ELMOD2: variants seen among roughly 807,000 people sequenced by gnomAD.
ELMOD2 encodes ELMO domain containing 2.
In ELMOD2, 28 loss-of-function variants were observed where a neutral mutation model predicts 41.0. The observed-to-expected ratio is 0.68, with a 90% CI of 0.51 to 0.94. The LOEUF (loss-of-function observed/expected upper bound fraction) is 0.94, where lower values mean the gene tolerates loss of function less well. Among genes scored for constraint, ELMOD2 ranks in the 40% least tolerant of loss-of-function variants. The probability of loss-of-function intolerance (pLI) is 0.00; values close to 1 mark genes in which losing one functional copy is unlikely to be tolerated. For synonymous variants in ELMOD2, 106 were observed against 107.2 expected, an observed-to-expected ratio of 0.99 and a Z score of 0.07; for missense variants, 333 against 343.1, an observed-to-expected ratio of 0.97 and a Z score of 0.23.
chr4:140,542,963 G>C (rs1175032718), intron 7 of ELMOD2, among the ~76,000 whole-genome samples: 1 of 151,856 alleles, frequency 6.6e-6, no homozygotes, highest in African/African-American at 2.4e-5. Context: ...ATAGGAAATA[G>C]CTTTGAAAAT....
chr4:140,540,119 C>G (rs771775237), intron 5 of ELMOD2, 49 bp from the exon 6 acceptor site: 1 of 1,586,912 alleles, frequency 6.3e-7, no homozygotes, highest in Non-Finnish European at 8.6e-7. Flanking sequence ...TTACTAGTTA[C>G]AAGCTATGAG....
chr4:140,535,135 CTT>C (rs757585935), intron 3 of ELMOD2, among the ~76,000 whole-genome samples: 6,282 of 81,546 alleles, frequency 0.077, 192 homozygotes, highest in Middle Eastern at 0.14. Context: ...AAATCTGTTT[CTT>C]TCTCTCTCTC....
At chr4:140,548,584 T>C (rs1735366096) in intron 8 of ELMOD2, among the ~76,000 whole-genome samples, 1 of 152,134 alleles carries the variant, frequency 6.6e-6, no homozygotes, top group Non-Finnish European at 1.5e-5. Flanking sequence ...ATCATGATAG[T>C]CTAGCCACCC....
rs983276148 is a variant in ELMOD2 at position 140,552,055 on chromosome 4, T to A, written c.*1680T>A. ...ACTTAATTTTTAAAAAATATTTTCA[T>A]GCTTTATTGTCCAGCTATACAATAT... On this transcript the variant is annotated 3_prime_UTR_variant, in exon 9 of 9. Transcript: ENST00000323570. 2 of 152,090 alleles carry A rather than the reference T, an allele frequency of 1.3e-5. No individual in the cohort carries two copies. Among genetic ancestry groups the A allele is most frequent in the Non-Finnish European group, 1.5e-5 (1 of 67,926 alleles). The allele number at this position is 152,090 out of a possible 1,614,324, so 9.4% of individuals were successfully genotyped here. A position where few individuals can be genotyped will look rare whatever the true frequency, so the allele number is the denominator to read the frequency against.
chr4:140,544,466 T>C (rs1735206689), intron 8 of ELMOD2, among the ~76,000 whole-genome samples: 1 of 152,144 alleles, frequency 6.6e-6, no homozygotes, highest in African/African-American at 2.4e-5. Flanking sequence ...TATAATGGCC[T>C]TTAGCAGTTT....
intron 3 of ELMOD2, chr4:140,527,801 C>T: frequency 3.5e-6 from 1 of 286,198 alleles, no homozygotes; most frequent in South Asian, 7.1e-5. Flanking sequence ...ACTGTGTCCT[C>T]AGGATAGATT....
At chr4:140,532,115 A>G (rs1734766682) in intron 3 of ELMOD2, among the ~76,000 whole-genome samples, 1 of 152,080 alleles carries the variant, frequency 6.6e-6, no homozygotes, top group African/African-American at 2.4e-5. Flanking sequence ...ACAGAATGCT[A>G]GCAAATTGAT....
chr4:140,535,137 T>TCTCTC lies in ELMOD2; in HGVS notation c.172-596_172-595insCTCTC, dbSNP rs1560827004. 5.7e-3 allele frequency among the ~76,000 whole-genome samples: 807 copies of TCTCTC among 141,482 alleles called. 15 individuals carry two copies. Among genetic ancestry groups the TCTCTC allele is most frequent in the East Asian group, 0.016 (77 of 4,900 alleles). 92.8% of individuals were successfully genotyped at this position (141,482 alleles called of 152,430 possible). ...CTTTTCTCTGGGGAAATCTGTTTCT[T>TCTCTC]TCTCTCTCTCTCTCTCTCTCTCTCT... On this transcript the variant is annotated intron_variant, in intron 3 of 8. Coordinates refer to ENST00000323570, the MANE Select transcript of ELMOD2 (RefSeq NM_153702.4).
rs907998037 is a variant in ELMOD2 at position 140,553,085 on chromosome 4, T to C, written c.*2710T>C. The C allele has an allele frequency of 1.3e-5, 2 of 152,178 alleles. No individual in the cohort carries two copies. The highest frequency in any genetic ancestry group is 6.5e-5 in the Admixed American group (1 of 15,278). 9.4% of individuals were successfully genotyped at this position (152,178 alleles called of 1,614,324 possible). A position where few individuals can be genotyped will look rare whatever the true frequency, so the allele number is the denominator to read the frequency against. Reference sequence around the variant, plus strand: ...TATGTATTTTTTCTACGTGAAAATATATGTACTCTTCACTTTTGTTCCAGT... The same window carrying C: ...TATGTATTTTTTCTACGTGAAAATACATGTACTCTTCACTTTTGTTCCAGT... On this transcript the variant is annotated 3_prime_UTR_variant, in exon 9 of 9. Transcript: ENST00000323570.
chr4:140,550,290 A>G lies in ELMOD2; in HGVS notation c.797A>G (p.Tyr266Cys). 6.2e-7 allele frequency: 1 copy of G among 1,611,750 alleles called. No individual in the cohort carries two copies. The highest frequency in any genetic ancestry group is 8.5e-7 in the Non-Finnish European group (1 of 1,178,734). The change falls in exon 9 of 9, where the codon TAT becomes TGT. Residue 266 changes from tyrosine to cysteine, a missense_variant. By Grantham distance (194) the Tyr-to-Cys change is radical (BLOSUM62 -2). Coordinates refer to ENST00000323570, the MANE Select transcript of ELMOD2 (RefSeq NM_153702.4). ...WFEEEPESIM[Y>C]FNLYREKFHE... is the part of the protein sequence containing the mutation. Reference sequence around the variant, plus strand: ...GAAGAAGAACCAGAAAGCATTATGTATTTCAATTTGTATAGAGAGAAGTTT... The same window carrying G: ...GAAGAAGAACCAGAAAGCATTATGTGTTTCAATTTGTATAGAGAGAAGTTT...
In ELMOD2 at chr4:140,537,553, T is replaced by G. The variant is rs780794601; in HGVS notation, c.399+12T>G. 8 of 1,598,140 alleles carry G rather than the reference T, an allele frequency of 5.0e-6. No individual in the cohort carries two copies. The African/African-American group carries it at 1.1e-4, about 22-fold the overall frequency. Reference sequence around the variant, plus strand: ...AGCTACTCATGAAGGTAAATTTCTGTTTTCTTTATGTGGAGTTGTTGAACG... The same window carrying G: ...AGCTACTCATGAAGGTAAATTTCTGGTTTCTTTATGTGGAGTTGTTGAACG... On this transcript the variant is annotated intron_variant, in intron 5 of 8. Coordinates refer to ENST00000323570, the MANE Select transcript of ELMOD2 (RefSeq NM_153702.4).
In ELMOD2 at chr4:140,553,263, G is replaced by A. The variant is rs1735516415; in HGVS notation, c.*2888G>A. The A allele has an allele frequency of 6.6e-6, 1 of 152,138 alleles. No individual in the cohort carries two copies. The highest frequency in any genetic ancestry group is 1.5e-5 in the Non-Finnish European group (1 of 67,986). The allele number at this position is 152,138 out of a possible 1,614,324, so 9.4% of individuals were successfully genotyped here. A position where few individuals can be genotyped will look rare whatever the true frequency, so the allele number is the denominator to read the frequency against. On this transcript the variant is annotated 3_prime_UTR_variant, in exon 9 of 9. Coordinates refer to ENST00000323570, the MANE Select transcript of ELMOD2 (RefSeq NM_153702.4). The stretch of plus-strand genomic sequence containing the variant: ...AAAGGTTACACATGATCATGGCACA[G>A]AAGATAGGAGGTTTGACTTGGTGGG...
At position 140,550,342 on chromosome 4, in the gene ELMOD2, G is replaced by T. The variant is rs772180456; in HGVS notation, c.849G>T (p.Leu283=). 6.2e-6 allele frequency: 10 copies of T among 1,609,712 alleles called. No homozygotes were observed. Among genetic ancestry groups the T allele is most frequent in the Non-Finnish European group, 8.5e-6 (10 of 1,177,932 alleles). ...KFHEKIKGLL[L]DCNVALTLKV Reference sequence around the variant, plus strand: ...ATGAAAAGATTAAAGGACTTTTACTGGATTGTAATGTAGCACTTACTTTAA... The same window carrying T: ...ATGAAAAGATTAAAGGACTTTTACTTGATTGTAATGTAGCACTTACTTTAA... The change falls in exon 9 of 9, where the codon CTG becomes CTT. Residue 283 remains leucine (L), a synonymous_variant. Transcript: ENST00000323570.
At chr4:140,538,323 G>A (rs963897970) in intron 5 of ELMOD2, among the ~76,000 whole-genome samples, 1 of 152,136 alleles carries the variant, frequency 6.6e-6, no homozygotes, top group Admixed American at 6.5e-5. Context: ...AAAGAAAATA[G>A]CGCATTGCAG....
chr4:140,532,780 A>C (rs1328686723), intron 3 of ELMOD2, among the ~76,000 whole-genome samples: 4 of 152,200 alleles, frequency 2.6e-5, no homozygotes, highest in Non-Finnish European at 5.9e-5. Context: ...GTAGTGCAAT[A>C]AGGCAAGAAG....
rs757655589 is a variant in ELMOD2 at position 140,543,564 on chromosome 4, G to A, written c.714G>A (p.Met238Ile). 5 of 1,596,432 alleles carry A rather than the reference G, an allele frequency of 3.1e-6. 1 individual carries two copies. The highest frequency in any genetic ancestry group is 1.7e-4 in the Middle Eastern group (1 of 5,874). ...ACCTTGTTCCTGGTATACCAACAATGGAACACTTTCATCAGTTTTACTGTG... is the reference window on the plus strand; with the variant it reads ...ACCTTGTTCCTGGTATACCAACAATAGAACACTTTCATCAGTTTTACTGTG... ...LYNLVPGIPTMEHFHQFYCYL... is the reference protein window; with the variant it reads ...LYNLVPGIPTIEHFHQFYCYL... Residue 238 changes from methionine (M) to isoleucine (I), a missense_variant, in exon 8 of 9, where the codon ATG (methionine) becomes ATA (isoleucine). Physicochemically the swap from Met to Ile is conservative, Grantham distance 10 (BLOSUM62 1). Coordinates refer to ENST00000323570, the MANE Select transcript of ELMOD2 (RefSeq NM_153702.4).
intron 2 of ELMOD2, 41 bp downstream of exon 2, chr4:140,525,611 A>C: frequency 6.4e-7 from 1 of 1,573,516 alleles, no homozygotes; most frequent in Non-Finnish European, 8.6e-7. Context: ...TAAAAGTTTA[A>C]CGGAGTGTTT....
chr4:140,542,983 A>G (rs1179254436), intron 7 of ELMOD2, among the ~76,000 whole-genome samples: 1 of 151,990 alleles, frequency 6.6e-6, no homozygotes, highest in Non-Finnish European at 1.5e-5. Flanking sequence ...TTGTAAAGTG[A>G]AATTCAAACT....
chr4:140,535,977 G>T (rs1240310609), intron 4 of ELMOD2, 147 bp downstream of exon 4: 7 of 696,816 alleles, frequency 1.0e-5, no homozygotes, highest in Non-Finnish European at 1.6e-5. Context: ...GAGCAGTTGA[G>T]ATCCAGAGAG....
Sources: allele counts gnomAD v4.1 joint callset (sites outside exome capture counted in the v4.1 genomes callset), GRCh38; gene constraint gnomAD v4.1.1; transcripts MANE v1.5; gene names NCBI Gene and HGNC (gene_info 2026-07-23, HGNC 2026-07-21).